The following HIRA variants were observed in gnomAD, a reference collection of about 807,000 sequenced individuals.
HIRA encodes the protein histone cell cycle regulator.
In HIRA, 13 loss-of-function variants were observed where a neutral mutation model predicts 126.6. The observed-to-expected ratio is 0.10, with a 90% CI of 0.07 to 0.16. The LOEUF (loss-of-function observed/expected upper bound fraction) is 0.16, where lower values mean the gene tolerates loss of function less well. Among genes scored for constraint, HIRA ranks in the 10% least tolerant of loss-of-function variants. The pLI is 1.00. For synonymous variants in HIRA, 511 were observed against 520.0 expected (o/e 0.98, Z 0.24); for missense variants, 834 against 1,314.4 (o/e 0.63, Z 5.65).
chr22:19,378,495 C>A lies in HIRA; in HGVS notation c.1416-429G>T, dbSNP rs542099098. 9.9e-4 allele frequency among the ~76,000 whole-genome samples: 151 copies of A among 152,372 alleles called. 1 individual carries two copies. Among genetic ancestry groups the A allele is most frequent in the African/African-American group, 3.5e-3 (147 of 41,590 alleles). On this transcript the variant is annotated intron_variant, in intron 13 of 24. Coordinates refer to ENST00000263208, the MANE Select transcript of HIRA (RefSeq NM_003325.4). ...CTCTACTGAGGGACCACAAGACTGT[C>A]TCCAGCTTTTTCTAGAACAGATGCT...
chr22:19,368,092 TC>T (rs1428061037), intron 15 of HIRA, among the ~76,000 whole-genome samples: 2 of 152,110 alleles, frequency 1.3e-5, no homozygotes, highest in Non-Finnish European at 2.9e-5. Flanking sequence ...CTGTCTAGTA[TC>T]CAAGAGCCCT....
At chr22:19,387,484 A>C (rs759474359) in intron 11 of HIRA, among the ~76,000 whole-genome samples, 1 of 152,218 alleles carries the variant, frequency 6.6e-6, no homozygotes, top group Non-Finnish European at 1.5e-5. Context: ...TGCCTAAAAT[A>C]GTTCTACTCT....
At position 19,394,426 on chromosome 22, in the gene HIRA, T is replaced by C. The variant is rs745630540; in HGVS notation, c.738A>G (p.Ser246=). 6.2e-7 allele frequency: 1 copy of C among 1,613,828 alleles called. No individual in the cohort carries two copies. The highest frequency in any genetic ancestry group is 1.7e-5 in the Admixed American group (1 of 60,004). Residue 246 remains serine, a synonymous_variant, in exon 8 of 25, where the codon TCA becomes TCG. Coordinates refer to ENST00000263208, the MANE Select transcript of HIRA (RefSeq NM_003325.4). ...GTTCGATGATCTGGGCAGTGGGGCCTGAGTTGTTCATGGCATGGGCAGACA... is the reference window on the plus strand; with the variant it reads ...GTTCGATGATCTGGGCAGTGGGGCCCGAGTTGTTCATGGCATGGGCAGACA... ...YLVSAHAMNN[S]GPTAQIIERE... is the part of the protein sequence containing the mutation.
In HIRA at chr22:19,361,238, T is replaced by C. The variant is rs761741084; in HGVS notation, c.2084A>G (p.Gln695Arg). 6.2e-7 allele frequency: 1 copy of C among 1,613,634 alleles called. No individual in the cohort carries two copies. The highest frequency in any genetic ancestry group is 1.1e-5 in the South Asian group (1 of 91,076). ...IPSPQRAFTL[Q>R]VSSDPSMYIE... ...AACTGGCAGGGTCCTAGAACTTACCTGGAGGGTGAATGCTCTCTGGGGGCT... is the reference window on the plus strand; with the variant it reads ...AACTGGCAGGGTCCTAGAACTTACCCGGAGGGTGAATGCTCTCTGGGGGCT... Residue 695 changes from glutamine to arginine, a missense_variant and splice_region_variant, in exon 17 of 25, where the codon CAG (glutamine) becomes CGG (arginine). Around this residue, in one of 5 missense-constraint regions of HIRA, gnomAD observed 468 missense variants for 574.2 expected, o/e 0.82. Coordinates refer to ENST00000263208, the MANE Select transcript of HIRA (RefSeq NM_003325.4).
intron 1 of HIRA, among the ~76,000 whole-genome samples, chr22:19,428,007 T>A (rs932968840): frequency 6.6e-6 from 1 of 152,220 alleles, no homozygotes; most frequent in African/African-American, 2.4e-5. Context: ...AACTGACACA[T>A]CTTCTATATA....
At position 19,353,478 on chromosome 22, in the gene HIRA, A is replaced by G; in HGVS notation, c.2726T>C (p.Val909Ala). 1 of 1,612,568 alleles carries G rather than the reference A, an allele frequency of 6.2e-7. No individual in the cohort carries two copies. Among genetic ancestry groups the G allele is most frequent in the Non-Finnish European group, 8.5e-7 (1 of 1,179,754 alleles). ...GGCCAGGGTGGTCTCTTGCTGCACC[A>G]CATGAGGCACGGAGAAGAGCCGGGC... ...QAARLFSVPH[V>A]VQQETTLAYL... The change falls in exon 23 of 25, where the codon GTG becomes GCG. Residue 909 changes from valine to alanine, a missense_variant. Val to Ala is a moderately conservative substitution (Grantham distance 64). Coordinates refer to ENST00000263208, the MANE Select transcript of HIRA (RefSeq NM_003325.4).
intron 13 of HIRA, among the ~76,000 whole-genome samples, chr22:19,380,429 C>T (rs1337339045): frequency 1.3e-5 from 2 of 152,092 alleles, no homozygotes; most frequent in East Asian, 1.9e-4. Flanking sequence ...CATAAATATT[C>T]GGGCCTGTTT....
chr22:19,393,656 G>C (rs145402159), intron 8 of HIRA, among the ~76,000 whole-genome samples: 2 of 152,046 alleles, frequency 1.3e-5, no homozygotes, highest in Non-Finnish European at 2.9e-5. Context: ...GTGTCCGGCC[G>C]ATACTTATTA....
At chr22:19,377,240 C>T (rs36021418) in intron 14 of HIRA, among the ~76,000 whole-genome samples, 2 of 152,212 alleles carry the variant, frequency 1.3e-5, no homozygotes, top group East Asian at 1.9e-4. Flanking sequence ...CCCCACCAGC[C>T]TACACACTCC....
In HIRA at chr22:19,331,618, T is replaced by C; in HGVS notation, c.2938-62A>G. On this transcript the variant is annotated intron_variant, in intron 24 of 24. Transcript: ENST00000263208. ...GTGAAGAGACCTAGATTGTGGGGAC[T>C]TTCCTGGCCTGGCAGAGAACCTTGT... 3 of 1,465,340 alleles carry C rather than the reference T, an allele frequency of 2.0e-6. No individual in the cohort carries two copies. The African/African-American group carries it at 4.2e-5, about 21-fold the overall frequency. The allele number at this position is 1,465,340 out of a possible 1,614,324, so 90.8% of individuals were successfully genotyped here.
Position 19,359,318 on chromosome 22 carries a change from G to T in HIRA, c.2234+18C>A. The T allele has an allele frequency of 6.5e-7, 1 of 1,540,222 alleles. No individual in the cohort carries two copies. Among genetic ancestry groups the T allele is most frequent in the Non-Finnish European group, 8.8e-7 (1 of 1,141,436 alleles). ...TGCCTGTGTCACCTGGGCCGGCTAAGGACCTGCCCACCCTTACCAGCTGCC... is the reference window on the plus strand; with the variant it reads ...TGCCTGTGTCACCTGGGCCGGCTAATGACCTGCCCACCCTTACCAGCTGCC... On this transcript the variant is annotated intron_variant, in intron 18 of 24. Coordinates refer to ENST00000263208, the MANE Select transcript of HIRA (RefSeq NM_003325.4).
At chr22:19,418,059 G>C (rs1349915484) in intron 1 of HIRA, among the ~76,000 whole-genome samples, 3 of 152,190 alleles carry the variant, frequency 2.0e-5, no homozygotes, top group Non-Finnish European at 4.4e-5. Context: ...ACACAAAGTA[G>C]AATGGTGGTT....
intron 24 of HIRA, among the ~76,000 whole-genome samples, chr22:19,340,860 G>T (rs1357189553): frequency 1.8e-4 from 28 of 152,206 alleles, no homozygotes; most frequent in Non-Finnish European, 2.6e-4. Context: ...ATTGCTGAAA[G>T]AAATCATAGA....
chr22:19,410,189 G>C (rs948084870), intron 2 of HIRA, among the ~76,000 whole-genome samples: 1 of 152,234 alleles, frequency 6.6e-6, no homozygotes, highest in Non-Finnish European at 1.5e-5. Context: ...AAAAGATGCT[G>C]GCTGAAGCAT....
chr22:19,389,920 A>AATG (rs1382432691), intron 9 of HIRA, among the ~76,000 whole-genome samples: 1 of 152,044 alleles, frequency 6.6e-6, no homozygotes, highest in African/African-American at 2.4e-5. Flanking sequence ...CAAACTAATA[A>AATG]ATGCAGCCAG....
intron 1 of HIRA, among the ~76,000 whole-genome samples, chr22:19,423,377 T>C (rs184219908): frequency 2.6e-5 from 4 of 152,198 alleles, no homozygotes; most frequent in Admixed American, 1.3e-4. Flanking sequence ...CCAGTCTCAC[T>C]GGCCAGGATG....
chr22:19,406,535 C>A (rs901469041), intron 4 of HIRA, among the ~76,000 whole-genome samples: 1 of 152,210 alleles, frequency 6.6e-6, no homozygotes, highest in Non-Finnish European at 1.5e-5. Context: ...CCTCTGATAA[C>A]ACCTTTTGCT....
At chr22:19,401,399 C>A (rs960338286) in intron 5 of HIRA, among the ~76,000 whole-genome samples, 11 of 152,200 alleles carry the variant, frequency 7.2e-5, no homozygotes, top group South Asian at 2.1e-4. Flanking sequence ...ACTGTCTTAA[C>A]TGGCCTCTCC....
chr22:19,333,163 C>T (rs1253371759), intron 24 of HIRA, among the ~76,000 whole-genome samples: 1 of 152,210 alleles, frequency 6.6e-6, no homozygotes, highest in African/African-American at 2.4e-5. Context: ...CTGCCTTGTT[C>T]TCCCAAAGTG....
Sources: gnomAD v4.1 joint callset for allele counts (sites outside exome capture counted in the v4.1 genomes callset) on GRCh38, gnomAD v4.1.1 for gene constraint, gnomAD v4.1.1 regional missense constraint, MANE v1.5 for transcripts, NCBI Gene and HGNC (gene_info 2026-07-23, HGNC 2026-07-21) for gene names.